Variants in CGNL1 observed in about 807,000 individuals in gnomAD.
CGNL1 encodes the protein cingulin like 1.
A neutral mutation model predicts 141.2 loss-of-function variants in CGNL1; 132 were observed. That is an observed-to-expected ratio of 0.93 (90% confidence interval 0.81 to 1.08). The LOEUF (loss-of-function observed/expected upper bound fraction) is 1.08. Ranked by LOEUF, CGNL1 falls within the 50% of genes least tolerant of loss-of-function variation. CGNL1 has a pLI of 0.00. For missense variants in CGNL1, 1,870 were observed against 1,588.6 expected, an observed-to-expected ratio of 1.18 and a Z score of -3.01; for synonymous variants, 690 against 622.1, an observed-to-expected ratio of 1.11 and a Z score of -1.63.
intron 1 of CGNL1, among the ~76,000 whole-genome samples, chr15:57,432,627 AG>A (rs1302076755): frequency 6.6e-6 from 1 of 152,236 alleles, no homozygotes; most frequent in Non-Finnish European, 1.5e-5. Flanking sequence ...CGACGGCGCA[AG>A]CGTGTCTGTG....
chr15:57,517,091 G>A, intron 9 of CGNL1, 105 bp downstream of exon 9: 1 of 1,134,842 alleles, frequency 8.8e-7, no homozygotes, highest in Non-Finnish European at 1.3e-6. Context: ...TGATGTAGTA[G>A]GAAAGGTCAA....
intron 4 of CGNL1, among the ~76,000 whole-genome samples, chr15:57,446,147 G>C (rs933640405): frequency 6.6e-6 from 1 of 152,274 alleles, no homozygotes; most frequent in Admixed American, 6.5e-5. Flanking sequence ...AGAGGCAGGG[G>C]CTTTGGGTAT....
Position 57,442,404 on chromosome 15 carries a change from A to G in CGNL1, c.1729A>G (p.Lys577Glu), listed in dbSNP as rs751766665. 26 of 1,613,390 alleles carry G rather than the reference A, an allele frequency of 1.6e-5. No individual in the cohort carries two copies. In the East Asian group the frequency reaches 5.6e-4, roughly 35 times the overall value. ...STDNDDATKR[K>E]VNLVFEKIQT... ...TGATAATGACGATGCTACTAAAAGG[A>G]AAGTCAACTTGGTCTTTGAGAAAAT... The change falls in exon 4 of 19, where the codon AAA (lysine) becomes GAA (glutamate). Residue 577 changes from lysine (K) to glutamate (E), a missense_variant. Physicochemically the swap from Lys to Glu is moderately conservative, Grantham distance 56. Transcript: ENST00000281282.
intron 14 of CGNL1, among the ~76,000 whole-genome samples, chr15:57,536,225 C>A (rs1372170124): frequency 1.4e-4 from 22 of 151,964 alleles, no homozygotes. Flanking sequence ...GAAAAACCTA[C>A]CCCCGTGATT....
At chr15:57,430,700 G>A (rs1442218196) in intron 1 of CGNL1, among the ~76,000 whole-genome samples, 1 of 152,116 alleles carries the variant, frequency 6.6e-6, no homozygotes, top group Non-Finnish European at 1.5e-5. Context: ...ATGTGGATCA[G>A]ATGAGTTGAG....
intron 13 of CGNL1, 119 bp downstream of exon 13, chr15:57,528,934 C>A: frequency 2.8e-6 from 3 of 1,075,286 alleles, no homozygotes; most frequent in Non-Finnish European, 4.0e-6. Context: ...TTATTCTCTC[C>A]CACAGCTGGG....
rs145594414 is a variant in CGNL1 at position 57,547,370 on chromosome 15, G to T, written c.3789G>T (p.Pro1263=). The change falls in exon 19 of 19, where the codon CCG becomes CCT. Residue 1263 remains proline, a synonymous_variant. Coordinates refer to ENST00000281282, the MANE Select transcript of CGNL1 (RefSeq NM_032866.5). ...ATTTCAGCAGACTGAAGAAGCTGCC[G>T]AGTAAAGTGCTGGATGACATGGATG... is the stretch of plus-strand genomic sequence containing the variant. ...MKKDLRLKKL[P]SKVLDDMDDD... 3.8e-3 allele frequency: 6,165 copies of T among 1,614,178 alleles called. 28 individuals carry two copies. Among genetic ancestry groups the T allele is most frequent in the Non-Finnish European group, 4.0e-3 (4,764 of 1,180,006 alleles).
chr15:57,438,098 G>A lies in CGNL1; in HGVS notation c.99G>A (p.Gln33=). The A allele has an allele frequency of 6.2e-7, 1 of 1,614,138 alleles. No individual in the cohort carries two copies. Among genetic ancestry groups the A allele is most frequent in the Non-Finnish European group, 8.5e-7 (1 of 1,180,022 alleles). The part of the protein sequence containing the change: ...SDDTQKSRSS[Q]NSKAGSYGVS... Reference sequence around the variant, plus strand: ...ATACCCAAAAATCAAGGAGTTCCCAGAACTCCAAGGCAGGCTCCTACGGTG... The same window carrying A: ...ATACCCAAAAATCAAGGAGTTCCCAAAACTCCAAGGCAGGCTCCTACGGTG... The change falls in exon 2 of 19, where the codon CAG becomes CAA. Residue 33 remains glutamine, a synonymous_variant. Coordinates refer to ENST00000281282, the MANE Select transcript of CGNL1 (RefSeq NM_032866.5).
intron 8 of CGNL1, among the ~76,000 whole-genome samples, chr15:57,508,813 A>C (rs150979931): frequency 1.4e-4 from 21 of 152,358 alleles, no homozygotes; most frequent in Admixed American, 1.4e-3. Flanking sequence ...CTTGTTAGAA[A>C]TGCAGAGTCC....
intron 1 of CGNL1, among the ~76,000 whole-genome samples, chr15:57,422,892 G>A (rs1354234023): frequency 1.1e-4 from 17 of 152,132 alleles, no homozygotes; most frequent in Non-Finnish European, 2.4e-4. Context: ...GTTTGAAAGT[G>A]ACTCATCTAA....
Position 57,546,094 on chromosome 15 carries a change from G to A in CGNL1, c.3628G>A (p.Ala1210Thr), listed in dbSNP as rs763364803. The A allele has an allele frequency of 3.7e-6, 6 of 1,613,406 alleles. No individual in the cohort carries two copies. Among genetic ancestry groups the A allele is most frequent in the Non-Finnish European group, 5.1e-6 (6 of 1,179,796 alleles). Reference protein sequence around the residue: ...QKDQLSLRLKAMKRQVEEAEE... With the variant: ...QKDQLSLRLKTMKRQVEEAEE... ...GGTGCAGCTGAGCTTGCGTTTGAAA[G>A]CCATGAAGCGGCAGGTGGAGGAGGC... is the stretch of plus-strand genomic sequence containing the variant. Residue 1210 changes from alanine (A) to threonine (T), a missense_variant, in exon 18 of 19, where the codon GCC becomes ACC. Physicochemically the swap from Ala to Thr is moderately conservative, Grantham distance 58. Transcript: ENST00000281282.
chr15:57,412,560 A>G (rs2062801588), intron 1 of CGNL1, among the ~76,000 whole-genome samples: 1 of 152,164 alleles, frequency 6.6e-6, no homozygotes, highest in Admixed American at 6.5e-5. Flanking sequence ...TTGTGAATGG[A>G]TAGCCAGGCC....
chr15:57,508,030 A>G (rs2064127486), intron 8 of CGNL1, among the ~76,000 whole-genome samples: 1 of 152,216 alleles, frequency 6.6e-6, no homozygotes, highest in Admixed American at 6.5e-5. Context: ...TAACAAAAAG[A>G]AATTGAATAT....
intron 1 of CGNL1, among the ~76,000 whole-genome samples, chr15:57,415,065 C>G (rs988070012): frequency 1.3e-5 from 2 of 152,164 alleles, no homozygotes; most frequent in Non-Finnish European, 2.9e-5. Flanking sequence ...GAGGCAGCAG[C>G]CTTGGGAAGG....
Position 57,387,677 on chromosome 15 carries a change from C to T in CGNL1, c.-16+11110C>T, listed in dbSNP as rs561499037. Among the ~76,000 whole-genome samples, 5 of 152,326 alleles carry T rather than the reference C, an allele frequency of 3.3e-5. No homozygotes were observed. The East Asian group carries it at 9.6e-4, about 29-fold the overall frequency. ...TATTCATCAGTTTAAAAGCTTCCCA[C>T]AATGAGAAGTGGCCCTCAATTAAGT... On this transcript the variant is annotated intron_variant, in intron 1 of 18. Coordinates refer to ENST00000281282, the MANE Select transcript of CGNL1 (RefSeq NM_032866.5).
intron 1 of CGNL1, among the ~76,000 whole-genome samples, chr15:57,427,306 G>T (rs529179945): frequency 6.6e-6 from 1 of 152,194 alleles, no homozygotes; most frequent in South Asian, 2.1e-4. Flanking sequence ...CCTACACAGT[G>T]TTATCTTCCA....
intron 8 of CGNL1, among the ~76,000 whole-genome samples, chr15:57,515,882 G>A (rs961212950): frequency 6.6e-6 from 1 of 152,154 alleles, no homozygotes; most frequent in Non-Finnish European, 1.5e-5. Flanking sequence ...CCCTGGGCCG[G>A]GTGTGGTGGC....
chr15:57,504,273 G>A (rs1330775486), intron 8 of CGNL1, among the ~76,000 whole-genome samples: 1 of 152,198 alleles, frequency 6.6e-6, no homozygotes, highest in Non-Finnish European at 1.5e-5. Flanking sequence ...CTTTCAAAGT[G>A]GAGGAGATTA....
At position 57,516,783 on chromosome 15, in the gene CGNL1, G is replaced by A. The variant is rs1466194944; in HGVS notation, c.2407G>A (p.Val803Ile). 6.2e-7 allele frequency: 1 copy of A among 1,614,074 alleles called. No individual in the cohort carries two copies. The highest frequency in any genetic ancestry group is 8.5e-7 in the Non-Finnish European group (1 of 1,179,976). ...RESVEEATKN[V>I]EVLASRSNTS... ...ATTTGCTTTGTGTTTTTAACAGAAT[G>A]TCGAGGTCTTGGCGAGCAGGAGCAA... The change falls in exon 9 of 19, where the codon GTC becomes ATC. Residue 803 changes from valine to isoleucine, a missense_variant. Val to Ile is a conservative substitution (Grantham distance 29, BLOSUM62 3). Coordinates refer to ENST00000281282, the MANE Select transcript of CGNL1 (RefSeq NM_032866.5).
Sources: gnomAD v4.1 joint callset for allele counts (sites outside exome capture counted in the v4.1 genomes callset) on GRCh38, gnomAD v4.1.1 for gene constraint, MANE v1.5 for transcripts, NCBI Gene and HGNC (gene_info 2026-07-23, HGNC 2026-07-21) for gene names.